GNAS-AS1: variants seen among roughly 807,000 people sequenced by gnomAD.
GNAS-AS1 encodes the protein GNAS antisense RNA 1 (non-protein coding).
chr20:58,819,796 G>C (rs1465486014), intron 4 of GNAS-AS1, among the ~76,000 whole-genome samples: 1 of 152,178 alleles, frequency 6.6e-6, no homozygotes, highest in Non-Finnish European at 1.5e-5. Context: ...TGAAACAATA[G>C]AGCAGGCAAA....
At chr20:58,825,050 C>A (rs906324273) in intron 4 of GNAS-AS1, among the ~76,000 whole-genome samples, 1 of 152,192 alleles carries the variant, frequency 6.6e-6, no homozygotes, top group Non-Finnish European at 1.5e-5. Context: ...TGGCTGCGTC[C>A]GCAAACATAA....
exon 3 of GNAS-AS1, chr20:58,842,542 T>C: frequency 5.0e-6 from 2 of 398,648 alleles, no homozygotes; most frequent in East Asian, 3.6e-5. Flanking sequence ...TTTTGTGGTC[T>C]TCCCTAGTAA....
exon 3 of GNAS-AS1, chr20:58,842,501 C>T (rs1460934817): frequency 7.5e-6 from 3 of 398,524 alleles, no homozygotes; most frequent in African/African-American, 2.1e-5. Context: ...CTTAGTTCTG[C>T]CGGGCTGCAG....
At chr20:58,834,991 G>A (rs1465292216) in intron 4 of GNAS-AS1, among the ~76,000 whole-genome samples, 2 of 152,190 alleles carry the variant, frequency 1.3e-5, no homozygotes, top group East Asian at 3.8e-4. Context: ...TTCTACTGGT[G>A]AGAGCCAATT....
chr20:58,841,684 G>A lies in GNAS-AS1; in HGVS notation n.819+253C>T. On this transcript the variant is annotated intron_variant and non_coding_transcript_variant, in intron 4 of 4. Coordinates refer to ENST00000424094, the Ensembl canonical transcript of GNAS-AS1. The surrounding 1 kb of genome is among the most constrained non-coding windows in gnomAD (Gnocchi z 5.0). ...GAAAGTACCTGGGGGAAAGGTAGAG[G>A]AGGTAAGGGGACCCTTGGGGATGCC... is the stretch of plus-strand genomic sequence containing the variant. The A allele has an allele frequency of 8.4e-7, 1 of 1,188,060 alleles. No individual in the cohort carries two copies. The highest frequency in any genetic ancestry group is 1.0e-6 in the Non-Finnish European group (1 of 960,006). The allele number at this position is 1,188,060 out of a possible 1,614,324, so 73.6% of individuals were successfully genotyped here.
rs2085680211 is a variant in GNAS-AS1 at position 58,840,614 on chromosome 20, A to G, written n.819+1323T>C. 6.2e-6 allele frequency: 10 copies of G among 1,608,408 alleles called. No homozygotes were observed. The East Asian group carries it at 2.2e-4, about 36-fold the overall frequency. The stretch of plus-strand genomic sequence containing the variant: ...GCGTCTGCACGCTCTCAAGTTGCGA[A>G]GCCCCGACGCCTCCCCAAGTCGCGC... On this transcript the variant is annotated intron_variant and non_coding_transcript_variant, in intron 4 of 4. Coordinates refer to ENST00000424094, the Ensembl canonical transcript of GNAS-AS1. This position sits in a 1 kb window ranked among gnomAD's most constrained non-coding sequence, Gnocchi z 6.0.
At chr20:58,826,394 G>A (rs570586780) in intron 4 of GNAS-AS1, among the ~76,000 whole-genome samples, 2 of 152,238 alleles carry the variant, frequency 1.3e-5, no homozygotes, top group East Asian at 3.9e-4. Context: ...GTCCCAGGTG[G>A]ATGACAAATG....
At position 58,840,484 on chromosome 20, in the gene GNAS-AS1, G is replaced by C. The variant is rs1433691629; in HGVS notation, n.819+1453C>G. 1 of 1,613,562 alleles carries C rather than the reference G, an allele frequency of 6.2e-7. No individual in the cohort carries two copies. Among genetic ancestry groups the C allele is most frequent in the East Asian group, 2.2e-5 (1 of 44,846 alleles). Reference sequence around the variant, plus strand: ...AAATCGAGTCCGAGACCGACTTCGAGACCGAGCCTGAGACCGCCCCCACCA... The same window carrying C: ...AAATCGAGTCCGAGACCGACTTCGACACCGAGCCTGAGACCGCCCCCACCA... On this transcript the variant is annotated intron_variant and non_coding_transcript_variant, in intron 4 of 4. Coordinates refer to ENST00000424094, the Ensembl canonical transcript of GNAS-AS1. This position sits in a 1 kb window ranked among gnomAD's most constrained non-coding sequence, Gnocchi z 6.0.
At chr20:58,844,920 G>T (rs894703623) in intron 2 of GNAS-AS1, among the ~76,000 whole-genome samples, 1 of 152,198 alleles carries the variant, frequency 6.6e-6, no homozygotes, top group Non-Finnish European at 1.5e-5. Context: ...CTGCTTTACA[G>T]TTGGTTGCAA....
At chr20:58,823,528 T>TC (rs756870561) in intron 4 of GNAS-AS1, among the ~76,000 whole-genome samples, 4 of 152,002 alleles carry the variant, frequency 2.6e-5, no homozygotes, top group South Asian at 4.1e-4. Flanking sequence ...CTGTCCTCCA[T>TC]CCCCCCCGTC....
intron 4 of GNAS-AS1, among the ~76,000 whole-genome samples, chr20:58,830,738 C>G (rs1324167262): frequency 6.7e-6 from 1 of 150,020 alleles, no homozygotes; most frequent in Non-Finnish European, 1.5e-5. Context: ...TCATAACCAG[C>G]ACCATCACCG....
chr20:58,847,406 A>G (rs1338104119), intron 2 of GNAS-AS1, among the ~76,000 whole-genome samples: 1 of 152,250 alleles, frequency 6.6e-6, no homozygotes, highest in Non-Finnish European at 1.5e-5. Flanking sequence ...CGGGCAGAGG[A>G]GAGTCTGAAG....
At position 58,841,310 on chromosome 20, in the gene GNAS-AS1, G is replaced by A; in HGVS notation, n.819+627C>T. ...TTCTCAGGTGTCCAAAATGTGGTTC[G>A]GAGGTGCGCGCGCCAACTTTCACGA... On this transcript the variant is annotated intron_variant and non_coding_transcript_variant, in intron 4 of 4. Transcript: ENST00000424094. The surrounding 1 kb of genome is among the most constrained non-coding windows in gnomAD (Gnocchi z 5.0). The A allele has an allele frequency of 9.4e-7, 1 of 1,060,858 alleles. No homozygotes were observed. The highest frequency in any genetic ancestry group is 1.1e-6 in the Non-Finnish European group (1 of 876,704). The allele number at this position is 1,060,858 out of a possible 1,614,324, so 65.7% of individuals were successfully genotyped here. A position where few individuals can be genotyped will look rare whatever the true frequency, so the allele number is the denominator to read the frequency against.
chr20:58,848,565 G>T (rs2086030165), intron 2 of GNAS-AS1, among the ~76,000 whole-genome samples: 1 of 152,150 alleles, frequency 6.6e-6, no homozygotes, highest in Non-Finnish European at 1.5e-5. Context: ...CCCCGGCAAG[G>T]TTAGGCCCCA....
At chr20:58,837,550 C>T (rs904535293) in intron 4 of GNAS-AS1, among the ~76,000 whole-genome samples, 1 of 152,252 alleles carries the variant, frequency 6.6e-6, no homozygotes, top group South Asian at 2.1e-4. Flanking sequence ...TCAAGCAATT[C>T]TTGTGGCTCA....
chr20:58,830,521 ACACCACCATCATACCATCAG>A (rs2085557808), intron 4 of GNAS-AS1, among the ~76,000 whole-genome samples: 1 of 452 alleles, frequency 2.2e-3, no homozygotes. Flanking sequence ...CATCACCACC[ACACCACCATCATACCATCAG>A]CACCACCATC....
At chr20:58,822,930 C>G (rs2085495786) in intron 4 of GNAS-AS1, among the ~76,000 whole-genome samples, 2 of 152,128 alleles carry the variant, frequency 1.3e-5, no homozygotes, top group African/African-American at 4.8e-5. Flanking sequence ...CTGGCCCTGT[C>G]CTTGGTGCTT....
intron 2 of GNAS-AS1, chr20:58,848,864 C>G (rs2086044747): frequency 2.5e-6 from 1 of 398,466 alleles, no homozygotes; most frequent in African/African-American, 2.1e-5. Flanking sequence ...TGTTTCAGCT[C>G]TTAGCTCCAC....
intron 1 of GNAS-AS1, among the ~76,000 whole-genome samples, chr20:58,849,966 T>C (rs2086091450): frequency 6.6e-6 from 1 of 152,200 alleles, no homozygotes; most frequent in Non-Finnish European, 1.5e-5. Context: ...CTTGCCCTCA[T>C]ACTCCATGGC....
Sources: allele counts gnomAD v4.1 joint callset (sites outside exome capture counted in the v4.1 genomes callset), GRCh38; gene constraint gnomAD v4.1.1; non-coding constraint Gnocchi (gnomAD v3.1); transcripts MANE v1.5; gene names NCBI Gene and HGNC (gene_info 2026-07-23, HGNC 2026-07-21).